Variants in EEFSEC observed in about 807,000 individuals in gnomAD.
The protein encoded by EEFSEC is selenocysteine-specific elongation factor.
In EEFSEC, 43 loss-of-function variants were observed where a neutral mutation model predicts 42.1. The observed-to-expected ratio is 1.02, with a 90% CI of 0.80 to 1.32. EEFSEC has a LOEUF of 1.32. Ranked by LOEUF, EEFSEC falls within the 40% of genes most tolerant of loss-of-function variation. The pLI is 0.00. For missense variants in EEFSEC, 745 were observed against 803.6 expected (o/e 0.93, Z 0.88); for synonymous variants, 354 against 339.1 (o/e 1.04, Z -0.48).
chr3:128,264,653 C>T lies in EEFSEC; in HGVS notation c.658C>T (p.Pro220Ser), dbSNP rs758282576. The stretch of plus-strand genomic sequence containing the variant: ...CCAGATTTCCATCCCAACGAGAGAT[C>T]CCTCGGGACCGTTCCTCATGTCTGT... ...TSQISIPTRDPSGPFLMSVDH... is the reference protein window; with the variant it reads ...TSQISIPTRDSSGPFLMSVDH... The change falls in exon 4 of 7, where the codon CCC (proline) becomes TCC (serine). Residue 220 changes from proline (P) to serine (S), a missense_variant. Physicochemically the swap from Pro to Ser is moderately conservative, Grantham distance 74 (BLOSUM62 -1). Coordinates refer to ENST00000254730, the MANE Select transcript of EEFSEC (RefSeq NM_021937.5). 1.2e-6 allele frequency: 2 copies of T among 1,614,018 alleles called. No individual in the cohort carries two copies. The highest frequency in any genetic ancestry group is 3.3e-5 in the Admixed American group (2 of 60,022).
intron 5 of EEFSEC, among the ~76,000 whole-genome samples, chr3:128,343,461 G>C (rs1353119289): frequency 6.6e-6 from 1 of 152,162 alleles, no homozygotes; most frequent in African/African-American, 2.4e-5. Flanking sequence ...AGCTCCGGGG[G>C]GGCCGCTGGG....
At chr3:128,164,556 G>T (rs190561221) in intron 1 of EEFSEC, among the ~76,000 whole-genome samples, 5 of 152,150 alleles carry the variant, frequency 3.3e-5, no homozygotes, top group Non-Finnish European at 5.9e-5. Context: ...TTGCACACAG[G>T]GGGGTGTGAA....
chr3:128,219,794 A>T (rs964256110), intron 1 of EEFSEC, among the ~76,000 whole-genome samples: 1 of 151,096 alleles, frequency 6.6e-6, no homozygotes. Flanking sequence ...AAAGAAAAAA[A>T]CTCTTGGCTA....
At chr3:128,243,196 C>T (rs2066090855) in intron 1 of EEFSEC, among the ~76,000 whole-genome samples, 1 of 152,238 alleles carries the variant, frequency 6.6e-6, no homozygotes, top group Non-Finnish European at 1.5e-5. Flanking sequence ...GGCTGCGCTG[C>T]ACGGGGTCCG....
chr3:128,354,829 C>G (rs1298631440), intron 5 of EEFSEC, among the ~76,000 whole-genome samples: 1 of 152,182 alleles, frequency 6.6e-6, no homozygotes, highest in African/African-American at 2.4e-5. Context: ...TAATAGGTAG[C>G]ATGCCTGCTA....
intron 4 of EEFSEC, among the ~76,000 whole-genome samples, chr3:128,271,645 C>G (rs890259457): frequency 1.3e-5 from 2 of 152,182 alleles, no homozygotes; most frequent in African/African-American, 2.4e-5. Context: ...TCAGCCCACC[C>G]TTGGTTGTCG....
rs567221652 is a variant in EEFSEC, at chr3:128,228,972, T to C, written c.317-17864T>C. On this transcript the variant is annotated intron_variant, in intron 1 of 6. Transcript: ENST00000254730. ...TTCCAGCCTGGTGTCTCTGAGGTTTTCCTGCTTCATGATCCAGGGAAATAA... is the reference window on the plus strand; with the variant it reads ...TTCCAGCCTGGTGTCTCTGAGGTTTCCCTGCTTCATGATCCAGGGAAATAA... Among the ~76,000 whole-genome samples the C allele has an allele frequency of 2.6e-5, 4 of 152,360 alleles. No homozygotes were observed. In the East Asian group the frequency reaches 7.7e-4, roughly 29 times the overall value.
intron 2 of EEFSEC, among the ~76,000 whole-genome samples, chr3:128,256,638 G>GT (rs1433001521): frequency 1.3e-5 from 2 of 152,098 alleles, no homozygotes; most frequent in Non-Finnish European, 2.9e-5. Flanking sequence ...AGAATGTTTG[G>GT]TTTTTGTGTC....
In EEFSEC at chr3:128,332,678, T is replaced by C. The variant is rs3762766; in HGVS notation, c.787-8555T>C. On this transcript the variant is annotated intron_variant, in intron 4 of 6. Transcript: ENST00000254730. Reference sequence around the variant, plus strand: ...GTTGGCCAGGCTGGTCTTGAACAGGTGACCTGAGGTTCCCTCTCGCAGCCC... The same window carrying C: ...GTTGGCCAGGCTGGTCTTGAACAGGCGACCTGAGGTTCCCTCTCGCAGCCC... 5.3e-5 allele frequency among the ~76,000 whole-genome samples: 8 copies of C among 152,328 alleles called. No homozygotes were observed. In the East Asian group the frequency reaches 1.5e-3, roughly 29 times the overall value.
At chr3:128,276,213 A>G (rs2066466377) in intron 4 of EEFSEC, among the ~76,000 whole-genome samples, 2 of 152,142 alleles carry the variant, frequency 1.3e-5, no homozygotes, top group Non-Finnish European at 2.9e-5. Flanking sequence ...GCAGGGTCTA[A>G]TTCATTATTT....
chr3:128,191,479 T>C (rs1215820560), intron 1 of EEFSEC, among the ~76,000 whole-genome samples: 3 of 152,094 alleles, frequency 2.0e-5, no homozygotes, highest in Non-Finnish European at 4.4e-5. Context: ...AAAAAATATA[T>C]AACATTTACC....
At chr3:128,285,420 G>A (rs1368884610) in intron 4 of EEFSEC, among the ~76,000 whole-genome samples, 2 of 152,096 alleles carry the variant, frequency 1.3e-5, no homozygotes, top group Non-Finnish European at 2.9e-5. Flanking sequence ...CCTTGCTTTT[G>A]GAGAACTGTA....
In EEFSEC at chr3:128,307,393, T is replaced by C. The variant is rs4857840; in HGVS notation, c.787-33840T>C. 4.2e-3 allele frequency among the ~76,000 whole-genome samples: 639 copies of C among 152,244 alleles called. 5 individuals are homozygous for C. The highest frequency in any genetic ancestry group is 7.0e-3 in the Admixed American group (107 of 15,296). ...ATTAGCAGGGGCTTTTCTTGTACCC[T>C]CTCCCTGTGGTGATTATGTCTAGGT... is the stretch of plus-strand genomic sequence containing the variant. On this transcript the variant is annotated intron_variant, in intron 4 of 6. Transcript: ENST00000254730.
intron 1 of EEFSEC, among the ~76,000 whole-genome samples, chr3:128,201,508 ATCT>A (rs1415796650): frequency 6.6e-6 from 1 of 152,198 alleles, no homozygotes; most frequent in Non-Finnish European, 1.5e-5. Flanking sequence ...CTATCTGTAG[ATCT>A]TCTTTTGTGA....
Position 128,216,452 on chromosome 3 carries a change from C to A in EEFSEC, c.317-30384C>A, listed in dbSNP as rs532456244. Among the ~76,000 whole-genome samples, 3 of 152,204 alleles carry A rather than the reference C, an allele frequency of 2.0e-5. No homozygotes were observed. The East Asian group carries it at 5.8e-4, about 29-fold the overall frequency. On this transcript the variant is annotated intron_variant, in intron 1 of 6. Transcript: ENST00000254730. ...TGGGAGCAGCAGAGCTGTGCCTGGG[C>A]TGGGCATGCTAAGCCCAAGTTGGAG...
chr3:128,242,056 C>T (rs894292172), intron 1 of EEFSEC, among the ~76,000 whole-genome samples: 14 of 152,284 alleles, frequency 9.2e-5, no homozygotes, highest in Non-Finnish European at 1.8e-4. Flanking sequence ...GGCTCACGCC[C>T]GTAATCCTAG....
At chr3:128,184,092 T>C (rs180808123) in intron 1 of EEFSEC, among the ~76,000 whole-genome samples, 2 of 152,224 alleles carry the variant, frequency 1.3e-5, no homozygotes, top group Admixed American at 1.3e-4. Flanking sequence ...ATTTGATTGA[T>C]CTGGCCTTCC....
At chr3:128,253,219 C>A (rs1204184656) in intron 2 of EEFSEC, among the ~76,000 whole-genome samples, 7 of 152,226 alleles carry the variant, frequency 4.6e-5, no homozygotes, top group Non-Finnish European at 1.0e-4. Flanking sequence ...CTCTGGAATT[C>A]CCCATGCACG....
chr3:128,335,450 A>G (rs2067179850), intron 4 of EEFSEC, among the ~76,000 whole-genome samples: 2 of 152,250 alleles, frequency 1.3e-5, no homozygotes, highest in Admixed American at 1.3e-4. Flanking sequence ...CTGCAGGTGC[A>G]GAGGCCATGA....
Sources: gnomAD v4.1 joint callset for allele counts (sites outside exome capture counted in the v4.1 genomes callset) on GRCh38, gnomAD v4.1.1 for gene constraint, MANE v1.5 for transcripts, NCBI Gene and HGNC (gene_info 2026-07-23, HGNC 2026-07-21) for gene names.